FLT3: variants seen among roughly 807,000 people sequenced by gnomAD.
FLT3 encodes the protein fms related receptor tyrosine kinase 3.
Under a neutral mutation model 126.6 loss-of-function variants are expected in FLT3, and 46 were observed. That is an observed-to-expected ratio of 0.36 (90% CI 0.29 to 0.46). The LOEUF (loss-of-function observed/expected upper bound fraction) is 0.46, where lower values mean the gene tolerates loss of function less well. Ranked by LOEUF, FLT3 falls within the 20% of genes least tolerant of loss-of-function variation. The pLI is 1.00. For missense variants in FLT3, 1,069 were observed against 1,190.3 expected, an observed-to-expected ratio of 0.90 and a Z score of 1.50; for synonymous variants, 404 against 434.4, an observed-to-expected ratio of 0.93 and a Z score of 0.87.
intron 13 of FLT3, 36 bp from the exon 14 acceptor site, chr13:28,034,250 G>A (rs1206246370): frequency 6.2e-7 from 1 of 1,613,506 alleles, no homozygotes; most frequent in Non-Finnish European, 8.5e-7. Context: ...TTAGGAATAG[G>A]CAGTTCTGCA....
intron 5 of FLT3, among the ~76,000 whole-genome samples, chr13:28,050,442 T>C (rs1242979833): frequency 3.3e-5 from 5 of 152,120 alleles, no homozygotes; most frequent in Non-Finnish European, 7.3e-5. Context: ...CTAAGGAGAA[T>C]TACATAACAA....
At chr13:28,060,616 T>C (rs1412259783) in intron 3 of FLT3, among the ~76,000 whole-genome samples, 1 of 152,066 alleles carries the variant, frequency 6.6e-6, no homozygotes, top group African/African-American at 2.4e-5. Context: ...CTTTTTTTCT[T>C]TTTTTTGAGA....
intron 4 of FLT3, 62 bp from the exon 5 acceptor site, chr13:28,052,736 C>T (rs1875636960): frequency 8.4e-7 from 1 of 1,192,682 alleles, no homozygotes; most frequent in South Asian, 1.4e-5. Context: ...AGCAGCCCCT[C>T]AGAAAAGGAT....
intron 19 of FLT3, among the ~76,000 whole-genome samples, chr13:28,019,248 T>G (rs1367798162): frequency 6.6e-6 from 1 of 152,164 alleles, no homozygotes; most frequent in Non-Finnish European, 1.5e-5. Context: ...ATTGCAGGCG[T>G]GAGCCACCGC....
At chr13:28,005,815 A>G (rs982548483) in intron 23 of FLT3, among the ~76,000 whole-genome samples, 1 of 152,342 alleles carries the variant, frequency 6.6e-6, no homozygotes, top group African/African-American at 2.4e-5. Context: ...TCAGCCTCCC[A>G]CATCTCTTCT....
At chr13:28,023,317 TTTTGG>T (rs1443922093) in intron 19 of FLT3, 28 bp downstream of exon 19, 10 of 1,585,516 alleles carry the variant, frequency 6.3e-6, no homozygotes, top group Non-Finnish European at 7.7e-6. Context: ...CAAATCTTTT[TTTTGG>T]TTTGTTTTTT....
chr13:28,015,277 T>C (rs374019507), intron 21 of FLT3, 21 bp from the exon 22 acceptor site: 19 of 1,404,474 alleles, frequency 1.4e-5, no homozygotes, highest in South Asian at 2.3e-5. Flanking sequence ...CATTAGACAA[T>C]TGCAGCCATT....
At chr13:28,062,376 T>C (rs965742768) in intron 2 of FLT3, among the ~76,000 whole-genome samples, 2 of 152,112 alleles carry the variant, frequency 1.3e-5, no homozygotes, top group Non-Finnish European at 2.9e-5. Context: ...TATTTGGAGA[T>C]GGTCTTTACA....
At chr13:28,047,107 G>C (rs1874954259) in intron 9 of FLT3, among the ~76,000 whole-genome samples, 1 of 152,120 alleles carries the variant, frequency 6.6e-6, no homozygotes, top group Non-Finnish European at 1.5e-5. Context: ...TAAAAAAGCA[G>C]AGTCTGAGCG....
In FLT3 at chr13:28,004,165, T is replaced by A. The variant is rs1325311358; in HGVS notation, c.2869A>T (p.Asn957Tyr). The change falls in exon 24 of 24, where the codon AAT becomes TAT. Residue 957 changes from asparagine (N) to tyrosine (Y), a missense_variant. Physicochemically the swap from Asn to Tyr is moderately radical, Grantham distance 143. Transcript: ENST00000241453. ...CATTCCGAAACACGGCCATCCACAT[T>A]CTGATACATCTGAATGTGGGAAAGA... ...LADAEEAMYQNVDGRVSECPH... is the reference protein window; with the variant it reads ...LADAEEAMYQYVDGRVSECPH... The A allele has an allele frequency of 7.4e-6, 12 of 1,614,110 alleles. No individual in the cohort carries two copies. Among genetic ancestry groups the A allele is most frequent in the Non-Finnish European group, 1.0e-5 (12 of 1,180,026 alleles).
At chr13:28,095,729 C>T (rs1443337248) in intron 1 of FLT3, among the ~76,000 whole-genome samples, 1 of 152,136 alleles carries the variant, frequency 6.6e-6, no homozygotes, top group African/African-American at 2.4e-5. Flanking sequence ...GGGGAGGCAG[C>T]AAGACTGTAA....
chr13:28,048,567 A>C lies in FLT3; in HGVS notation c.1037-124T>G, dbSNP rs7994899. ...GAAAACTCAAGTGTTGGCATGCTGCAGGTCAGGTTGGATAATCCAAGTGAA... is the reference window on the plus strand; with the variant it reads ...GAAAACTCAAGTGTTGGCATGCTGCCGGTCAGGTTGGATAATCCAAGTGAA... On this transcript the variant is annotated intron_variant, in intron 8 of 23. Coordinates refer to ENST00000241453, the MANE Select transcript of FLT3 (RefSeq NM_004119.3). 825 of 680,350 alleles carry C rather than the reference A, an allele frequency of 1.2e-3. 9 individuals carry two copies. In the African/African-American group the frequency reaches 0.013, roughly 11 times the overall value. The allele number at this position is 680,350 out of a possible 1,614,324, so 42.1% of individuals were successfully genotyped here.
At chr13:28,054,326 A>G (rs1875812901) in intron 4 of FLT3, among the ~76,000 whole-genome samples, 1 of 152,074 alleles carries the variant, frequency 6.6e-6, no homozygotes, top group Non-Finnish European at 1.5e-5. Context: ...TTAATTTAAC[A>G]TGTGTTAAAA....
At chr13:28,007,218 G>A (rs574903153) in intron 23 of FLT3, among the ~76,000 whole-genome samples, 39 of 151,830 alleles carry the variant, frequency 2.6e-4, no homozygotes, top group Admixed American at 1.2e-3. Flanking sequence ...CTTAGTTATC[G>A]TTTCCTTTTC....
chr13:28,089,478 T>C (rs915735937), intron 1 of FLT3, among the ~76,000 whole-genome samples: 2 of 151,728 alleles, frequency 1.3e-5, no homozygotes, highest in Admixed American at 6.5e-5. Context: ...CGCTGGTTAA[T>C]GGATAAACAA....
At chr13:28,076,323 T>C (rs964720639) in intron 1 of FLT3, among the ~76,000 whole-genome samples, 3 of 152,290 alleles carry the variant, frequency 2.0e-5, no homozygotes, top group African/African-American at 4.8e-5. Flanking sequence ...AGGATATATA[T>C]ACATATATTT....
Position 28,090,026 on chromosome 13 carries a change from C to T in FLT3, c.43+10442G>A, listed in dbSNP as rs375690273. Among the ~76,000 whole-genome samples, 243 of 151,828 alleles carry T rather than the reference C, an allele frequency of 1.6e-3. 1 individual carries two copies. Among genetic ancestry groups the T allele is most frequent in the Middle Eastern group, 0.01 (3 of 294 alleles). ...CAAATGCTGAGATTACAGACGTGAG[C>T]TACTGCGCCCCGCCGTGAGGGAACT... On this transcript the variant is annotated intron_variant, in intron 1 of 23. Transcript: ENST00000241453.
At chr13:28,078,364 T>C (rs191482158) in intron 1 of FLT3, among the ~76,000 whole-genome samples, 1 of 152,332 alleles carries the variant, frequency 6.6e-6, no homozygotes, top group East Asian at 1.9e-4. Flanking sequence ...TTGACTTCTG[T>C]GCACCCGCAT....
intron 4 of FLT3, among the ~76,000 whole-genome samples, chr13:28,053,608 CA>C (rs1875743613): frequency 6.6e-6 from 1 of 151,914 alleles, no homozygotes; most frequent in African/African-American, 2.4e-5. Context: ...GTAGTTATAC[CA>C]AATAAATATG....
Sources: allele counts gnomAD v4.1 joint callset (sites outside exome capture counted in the v4.1 genomes callset), GRCh38; gene constraint gnomAD v4.1.1; transcripts MANE v1.5; gene names NCBI Gene and HGNC (gene_info 2026-07-23, HGNC 2026-07-21).